The following SLC24A3 variants were observed in gnomAD, a reference collection of about 807,000 sequenced individuals.
SLC24A3 encodes the protein sodium/potassium/calcium exchanger 3.
In SLC24A3, 28 loss-of-function variants were observed where a neutral mutation model predicts 75.8. The ratio of observed to expected loss-of-function variants is 0.37; its 90% CI spans 0.27 to 0.51. The LOEUF is 0.51. Ranked by LOEUF, SLC24A3 falls within the 20% of genes least tolerant of loss-of-function variation. SLC24A3 has a pLI of 0.94. For synonymous variants in SLC24A3, 372 were observed against 334.1 expected (o/e 1.11, Z -1.24); for missense variants, 663 against 847.8 (o/e 0.78, Z 2.71).
At chr20:19,309,488 A>C (rs1166069392) in intron 2 of SLC24A3, among the ~76,000 whole-genome samples, 1 of 152,166 alleles carries the variant, frequency 6.6e-6, no homozygotes. Flanking sequence ...GTAGAATCTC[A>C]TACTCCACCC....
At chr20:19,234,150 T>G (rs1358480577) in intron 1 of SLC24A3, among the ~76,000 whole-genome samples, 1 of 152,202 alleles carries the variant, frequency 6.6e-6, no homozygotes, top group Non-Finnish European at 1.5e-5. Flanking sequence ...TGTCATAAAT[T>G]TTGCTAATAG....
chr20:19,688,591 G>A (rs2032707980), intron 12 of SLC24A3, among the ~76,000 whole-genome samples: 1 of 152,228 alleles, frequency 6.6e-6, no homozygotes, highest in South Asian at 2.1e-4. Context: ...AGCCCCAGAT[G>A]GGTTCCTATC....
chr20:19,364,634 T>C (rs1985852229), intron 2 of SLC24A3, among the ~76,000 whole-genome samples: 1 of 152,106 alleles, frequency 6.6e-6, no homozygotes, highest in African/African-American at 2.4e-5. Context: ...TCTGTATTTT[T>C]TGTAGACGTG....
chr20:19,567,553 T>TG (rs2030979743), intron 3 of SLC24A3, among the ~76,000 whole-genome samples: 5 of 152,166 alleles, frequency 3.3e-5, no homozygotes, highest in Non-Finnish European at 2.9e-5. Context: ...ACCTATCAGG[T>TG]ACTATGCTTA....
chr20:19,514,161 C>G (rs139030716), intron 2 of SLC24A3, among the ~76,000 whole-genome samples: 2,301 of 152,282 alleles, frequency 0.015, 33 homozygotes, highest in Non-Finnish European at 0.019. Context: ...GTGTCTTGCA[C>G]AAATCCTCCG....
intron 8 of SLC24A3, among the ~76,000 whole-genome samples, chr20:19,667,161 C>T (rs1458103146): frequency 6.6e-6 from 1 of 152,128 alleles, no homozygotes; most frequent in African/African-American, 2.4e-5. Flanking sequence ...CAGTGGAGAA[C>T]CCATCACATT....
Position 19,721,222 on chromosome 20 carries a change from C to A in SLC24A3, c.*82C>A. ...GCCGCACCCCGAGTCACACAGGCCC[C>A]CGGGGCCACGGCGTTCGTCTCTCCT... On this transcript the variant is annotated 3_prime_UTR_variant, in exon 17 of 17. Transcript: ENST00000328041. 6.4e-7 allele frequency: 1 copy of A among 1,556,860 alleles called. No homozygotes were observed. Among genetic ancestry groups the A allele is most frequent in the Non-Finnish European group, 8.7e-7 (1 of 1,149,020 alleles).
At chr20:19,213,042 C>T (rs776138820) in intron 1 of SLC24A3, 58 bp downstream of exon 1, 4 of 1,159,674 alleles carry the variant, frequency 3.4e-6, no homozygotes, top group Non-Finnish European at 4.3e-6. Flanking sequence ...TCGGGGCTCC[C>T]GGGGCTGGGC....
At chr20:19,552,641 T>C (rs903339487) in intron 3 of SLC24A3, among the ~76,000 whole-genome samples, 1 of 152,184 alleles carries the variant, frequency 6.6e-6, no homozygotes. Context: ...CAGCACCTGA[T>C]TTCAGCTGAT....
At chr20:19,513,720 G>C (rs1202811256) in intron 2 of SLC24A3, among the ~76,000 whole-genome samples, 1 of 139,282 alleles carries the variant, frequency 7.2e-6, no homozygotes, top group Non-Finnish European at 1.5e-5. Flanking sequence ...CACACAGGTG[G>C]GTCTTGCTTT....
intron 2 of SLC24A3, among the ~76,000 whole-genome samples, chr20:19,306,703 G>A (rs1340576937): frequency 6.6e-6 from 1 of 152,058 alleles, no homozygotes; most frequent in Admixed American, 6.5e-5. Context: ...ACTACTAGAG[G>A]GGGAAAGTAG....
chr20:19,478,232 G>A (rs1283424163), intron 2 of SLC24A3, among the ~76,000 whole-genome samples: 1 of 152,130 alleles, frequency 6.6e-6, no homozygotes, highest in Non-Finnish European at 1.5e-5. Context: ...TACTCCCTGG[G>A]AGAAATGAAG....
chr20:19,685,134 A>G lies in SLC24A3; in HGVS notation c.1097A>G (p.Asn366Ser), dbSNP rs140797756. 149 of 1,613,460 alleles carry G rather than the reference A, an allele frequency of 9.2e-5. No individual in the cohort carries two copies. The highest frequency in any genetic ancestry group is 1.2e-4 in the Non-Finnish European group (145 of 1,179,506). The change falls in exon 12 of 17, where the codon AAC (asparagine) becomes AGC (serine). Residue 366 changes from asparagine to serine, a missense_variant. Asn to Ser is a conservative substitution (Grantham distance 46). Coordinates refer to ENST00000328041, the MANE Select transcript of SLC24A3 (RefSeq NM_020689.4). Reference protein sequence around the residue: ...QRLINSRAYTNGESEVAIKIP... With the variant: ...QRLINSRAYTSGESEVAIKIP... ...TTGATAAACAGCAGGGCTTATACCA[A>G]CGGGGAATCTGAGGTGGCCATCAAA...
At chr20:19,581,174 G>A (rs147711426) in intron 4 of SLC24A3, among the ~76,000 whole-genome samples, 210 of 152,310 alleles carry the variant, frequency 1.4e-3, no homozygotes, top group East Asian at 1.5e-3. Context: ...CATCTGAAAT[G>A]CACAGTGGGC....
chr20:19,571,977 A>G (rs2031058868), intron 3 of SLC24A3, among the ~76,000 whole-genome samples: 1 of 152,190 alleles, frequency 6.6e-6, no homozygotes, highest in Non-Finnish European at 1.5e-5. Context: ...GATATTGGAG[A>G]AGAGGAAGAA....
chr20:19,491,769 T>C (rs1042145154), intron 2 of SLC24A3, among the ~76,000 whole-genome samples: 1 of 152,066 alleles, frequency 6.6e-6, no homozygotes, highest in Non-Finnish European at 1.5e-5. Context: ...AGGAACCAAA[T>C]TGAGGGTGTC....
chr20:19,337,987 T>C (rs796840360), intron 2 of SLC24A3, among the ~76,000 whole-genome samples: 121 of 152,148 alleles, frequency 8.0e-4, no homozygotes, highest in African/African-American at 2.8e-3. Flanking sequence ...AGATGGCCCA[T>C]CTTCAGGGGA....
chr20:19,693,605 G>A (rs2032772338), intron 13 of SLC24A3, 180 bp downstream of exon 13: 2 of 705,988 alleles, frequency 2.8e-6, no homozygotes, highest in Non-Finnish European at 4.3e-6. Context: ...CTGCTCACAC[G>A]TCTTCATGTT....
intron 2 of SLC24A3, among the ~76,000 whole-genome samples, chr20:19,420,487 C>A (rs1248738683): frequency 6.8e-6 from 1 of 147,840 alleles, no homozygotes; most frequent in Non-Finnish European, 1.5e-5. Context: ...CTCTCCAGCA[C>A]CTGTTGTTTC....
Sources: gnomAD v4.1 joint callset for allele counts (sites outside exome capture counted in the v4.1 genomes callset) on GRCh38, gnomAD v4.1.1 for gene constraint, MANE v1.5 for transcripts, NCBI Gene and HGNC (gene_info 2026-07-23, HGNC 2026-07-21) for gene names.